The following WWOX variants were observed in gnomAD, a reference collection of about 807,000 sequenced individuals.
The protein encoded by WWOX is WW domain-containing oxidoreductase.
A neutral mutation model predicts 46.2 loss-of-function variants in WWOX; 69 were observed. That is an observed-to-expected ratio of 1.49 (90% CI 1.23 to 1.82). The LOEUF is 1.82. Ranked by LOEUF, WWOX falls within the 40% of genes most tolerant of loss-of-function variation. WWOX has a pLI of 0.00. For missense variants in WWOX, 919 were observed against 542.6 expected (o/e 1.69, Z -6.89); for synonymous variants, 359 against 202.6 (o/e 1.77, Z -6.56).
chr16:78,960,874 C>G (rs1276766943), intron 8 of WWOX, among the ~76,000 whole-genome samples: 5 of 152,164 alleles, frequency 3.3e-5, no homozygotes, highest in East Asian at 1.9e-4. Flanking sequence ...ATACATAGCT[C>G]TTTTGAAGAC....
chr16:78,379,670 G>A (rs746274274), intron 5 of WWOX, among the ~76,000 whole-genome samples: 1 of 152,190 alleles, frequency 6.6e-6, no homozygotes, highest in Non-Finnish European at 1.5e-5. Context: ...GTGGGCAGCA[G>A]ACCAACTACT....
chr16:78,911,822 C>T (rs538906884), intron 8 of WWOX, among the ~76,000 whole-genome samples: 70 of 152,162 alleles, frequency 4.6e-4, no homozygotes, highest in African/African-American at 7.7e-4. Context: ...GCTGAGATCA[C>T]GCTGATGCAT....
At chr16:79,174,174 C>T (rs916997108) in intron 8 of WWOX, among the ~76,000 whole-genome samples, 1 of 152,168 alleles carries the variant, frequency 6.6e-6, no homozygotes, top group East Asian at 1.9e-4. Flanking sequence ...GTATTGTAGA[C>T]AGGTTGATAA....
rs112050389 is a variant in WWOX, at chr16:78,536,218, C to G, written c.1056+103466C>G. 1.7e-3 allele frequency among the ~76,000 whole-genome samples: 262 copies of G among 152,226 alleles called. 3 individuals carry two copies. Among genetic ancestry groups the G allele is most frequent in the African/African-American group, 5.9e-3 (246 of 41,536 alleles). ...GTGTAATTTGGTGCCATTCTCCTCC[C>G]TTTTGCCCCCACCAAAATGAAGTTT... On this transcript the variant is annotated intron_variant, in intron 8 of 8. Transcript: ENST00000566780.
intron 8 of WWOX, among the ~76,000 whole-genome samples, chr16:78,609,009 T>A (rs2045832898): frequency 6.6e-6 from 1 of 151,674 alleles, no homozygotes; most frequent in African/African-American, 2.4e-5. Context: ...TTCTTCATAT[T>A]TGGGACCCTT....
intron 8 of WWOX, among the ~76,000 whole-genome samples, chr16:78,510,246 G>T (rs1257982761): frequency 6.6e-6 from 1 of 151,976 alleles, no homozygotes; most frequent in East Asian, 1.9e-4. Context: ...GTCTTGCTCT[G>T]TTGACCATGC....
At chr16:78,448,121 A>G (rs888136313) in intron 8 of WWOX, among the ~76,000 whole-genome samples, 1 of 152,154 alleles carries the variant, frequency 6.6e-6, no homozygotes, top group African/African-American at 2.4e-5. Context: ...TATTATTAAT[A>G]GAAGTTCTGG....
In WWOX at chr16:78,499,789, G is replaced by A. The variant is rs560607283; in HGVS notation, c.1056+67037G>A. On this transcript the variant is annotated intron_variant, in intron 8 of 8. Coordinates refer to ENST00000566780, the MANE Select transcript of WWOX (RefSeq NM_016373.4). ...ATACATCCGTGGAACGCATTTGTAA[G>A]AAATCGAGGCCAAGGCACTGGAAGT... Among the ~76,000 whole-genome samples the A allele has an allele frequency of 5.3e-5, 8 of 152,300 alleles. No homozygotes were observed. In the South Asian group the frequency reaches 6.2e-4, roughly 12 times the overall value.
intron 8 of WWOX, among the ~76,000 whole-genome samples, chr16:78,811,699 A>T (rs1419953883): frequency 6.6e-6 from 1 of 151,902 alleles, no homozygotes; most frequent in Admixed American, 6.6e-5. Flanking sequence ...AAGGCTACTA[A>T]TCCCCTCATG....
chr16:78,408,717 A>T (rs1196006283), intron 6 of WWOX, among the ~76,000 whole-genome samples: 3 of 152,212 alleles, frequency 2.0e-5, no homozygotes, highest in Non-Finnish European at 2.9e-5. Flanking sequence ...AGAGGGAGAT[A>T]CAGCTAATTT....
chr16:78,736,913 A>G (rs899318308), intron 8 of WWOX, among the ~76,000 whole-genome samples: 17 of 152,072 alleles, frequency 1.1e-4, no homozygotes, highest in East Asian at 1.9e-4. Flanking sequence ...CCGGCCCACA[A>G]TGGTTTTCAT....
Position 78,616,855 on chromosome 16 carries a change from C to T in WWOX, c.1056+184103C>T, listed in dbSNP as rs749430884. On this transcript the variant is annotated intron_variant, in intron 8 of 8. Coordinates refer to ENST00000566780, the MANE Select transcript of WWOX (RefSeq NM_016373.4). The stretch of plus-strand genomic sequence containing the variant: ...TGACATAATTACCTCCCAAAGTCCG[C>T]ACTTCCTAATGTTACCACTCTGGAG... Among the ~76,000 whole-genome samples the T allele has an allele frequency of 3.2e-4, 48 of 152,158 alleles. 1 individual carries two copies. The highest frequency in any genetic ancestry group is 6.3e-4 in the Non-Finnish European group (43 of 68,042).
At chr16:79,146,329 G>A (rs1385122096) in intron 8 of WWOX, among the ~76,000 whole-genome samples, 2 of 152,100 alleles carry the variant, frequency 1.3e-5, no homozygotes, top group Admixed American at 6.6e-5. Flanking sequence ...CTTCTTTGAT[G>A]CCCCGTCTTC....
intron 8 of WWOX, among the ~76,000 whole-genome samples, chr16:78,651,404 C>T (rs1320268481): frequency 6.6e-6 from 1 of 152,194 alleles, no homozygotes; most frequent in Non-Finnish European, 1.5e-5. Context: ...AGCAGCTATT[C>T]AGTGTTTTAC....
At chr16:78,684,241 G>C (rs1030038372) in intron 8 of WWOX, among the ~76,000 whole-genome samples, 1 of 152,188 alleles carries the variant, frequency 6.6e-6, no homozygotes, top group African/African-American at 2.4e-5. Context: ...CTTCTGGACA[G>C]ATTTGCCCTT....
At chr16:78,113,667 A>G (rs68149250) in intron 3 of WWOX, among the ~76,000 whole-genome samples, 34,198 of 152,126 alleles carry the variant, frequency 0.22, 4,673 homozygotes, top group Non-Finnish European at 0.31. Context: ...CCACAGTATA[A>G]ATACTTTGGC....
rs561922128 is a variant in WWOX at position 78,519,348 on chromosome 16, G to A, written c.1056+86596G>A. ...TGCTCTGGTAATAGTCATCTTCACGGCCATCATTTTGATCACATTTTGGCT... is the reference window on the plus strand; with the variant it reads ...TGCTCTGGTAATAGTCATCTTCACGACCATCATTTTGATCACATTTTGGCT... On this transcript the variant is annotated intron_variant, in intron 8 of 8. Transcript: ENST00000566780. Among the ~76,000 whole-genome samples the A allele has an allele frequency of 5.3e-5, 8 of 152,232 alleles. No individual in the cohort carries two copies. In the South Asian group the frequency reaches 1.7e-3, roughly 32 times the overall value.
chr16:78,761,169 T>C (rs185849896), intron 8 of WWOX, among the ~76,000 whole-genome samples: 86 of 152,308 alleles, frequency 5.6e-4, no homozygotes, highest in African/African-American at 2.0e-3. Context: ...TGTGTTCTTA[T>C]AAGAACTATT....
At chr16:79,202,223 C>G (rs913220105) in intron 8 of WWOX, among the ~76,000 whole-genome samples, 1 of 152,140 alleles carries the variant, frequency 6.6e-6, no homozygotes, top group African/African-American at 2.4e-5. Context: ...AAGTAGTTTA[C>G]TGACCTATTA....
Sources: allele counts gnomAD v4.1 joint callset (sites outside exome capture counted in the v4.1 genomes callset), GRCh38; gene constraint gnomAD v4.1.1; transcripts MANE v1.5; gene names NCBI Gene and HGNC (gene_info 2026-07-23, HGNC 2026-07-21).